CTNNA2: variants seen among roughly 807,000 people sequenced by gnomAD.
The protein encoded by CTNNA2 is catenin alpha 2.
Under a neutral mutation model 101.0 loss-of-function variants are expected in CTNNA2, and 42 were observed. The ratio of observed to expected loss-of-function variants is 0.42; its 90% CI spans 0.32 to 0.54. CTNNA2 has a LOEUF of 0.54. Ranked by LOEUF, CTNNA2 falls within the 20% of genes least tolerant of loss-of-function variation. CTNNA2 has a pLI of 0.14. For synonymous variants in CTNNA2, 450 were observed against 456.4 expected, an observed-to-expected ratio of 0.99 and a Z score of 0.18; for missense variants, 871 against 1,223.1, an observed-to-expected ratio of 0.71 and a Z score of 4.29.
intron 18 of CTNNA2, among the ~76,000 whole-genome samples, chr2:80,625,992 T>C (rs577343705): frequency 6.6e-6 from 1 of 152,080 alleles, no homozygotes; most frequent in Non-Finnish European, 1.5e-5. Flanking sequence ...CCCAAAAAGC[T>C]GAATGAATCA....
chr2:79,309,170 T>C (rs1264633150), intron 2 of CTNNA2, among the ~76,000 whole-genome samples: 3 of 152,156 alleles, frequency 2.0e-5, no homozygotes, highest in African/African-American at 7.2e-5. Flanking sequence ...TTTTTGAGAA[T>C]TTTTTTCTTC....
intron 18 of CTNNA2, among the ~76,000 whole-genome samples, chr2:80,634,143 G>T (rs889084339): frequency 6.6e-6 from 1 of 152,046 alleles, no homozygotes; most frequent in East Asian, 1.9e-4. Flanking sequence ...GGACTCATAT[G>T]CTAGGCACTG....
chr2:79,448,641 G>A (rs796729916), intron 4 of CTNNA2, among the ~76,000 whole-genome samples: 11 of 152,084 alleles, frequency 7.2e-5, no homozygotes, highest in African/African-American at 2.4e-4. Context: ...AGTGAACAGA[G>A]TAGGCTGACA....
chr2:79,897,324 G>A (rs1381641824), intron 6 of CTNNA2, among the ~76,000 whole-genome samples: 1 of 94,090 alleles, frequency 1.1e-5, no homozygotes, highest in Non-Finnish European at 2.0e-5. Context: ...AGGAAAATAT[G>A]CTTTACCGAG....
chr2:79,940,879 C>A (rs1361960957), intron 7 of CTNNA2, among the ~76,000 whole-genome samples: 1 of 152,130 alleles, frequency 6.6e-6, no homozygotes, highest in Non-Finnish European at 1.5e-5. Flanking sequence ...TATGGCTACT[C>A]AAAAATCGAT....
At chr2:79,722,429 A>T (rs1272302570) in intron 2 of CTNNA2, among the ~76,000 whole-genome samples, 1 of 152,142 alleles carries the variant, frequency 6.6e-6, no homozygotes, top group Non-Finnish European at 1.5e-5. Flanking sequence ...GTTAACATGA[A>T]CAGGTGATTA....
At chr2:80,350,648 C>G (rs1244500912) in intron 7 of CTNNA2, among the ~76,000 whole-genome samples, 1 of 152,044 alleles carries the variant, frequency 6.6e-6, no homozygotes, top group Non-Finnish European at 1.5e-5. Flanking sequence ...ATTTTTCTAC[C>G]TAGGATTTTA....
At chr2:79,874,658 A>T (rs1169287507) in intron 6 of CTNNA2, among the ~76,000 whole-genome samples, 1 of 152,100 alleles carries the variant, frequency 6.6e-6, no homozygotes, top group Non-Finnish European at 1.5e-5. Context: ...AATGTAAAAC[A>T]TTAGCTGGGC....
chr2:80,245,375 T>C (rs1302693232), intron 7 of CTNNA2, among the ~76,000 whole-genome samples: 2 of 152,244 alleles, frequency 1.3e-5, no homozygotes, highest in African/African-American at 4.8e-5. Context: ...TGGTTATTAG[T>C]ACTTTCCCTA....
chr2:79,591,094 A>G (rs954432240), intron 1 of CTNNA2, among the ~76,000 whole-genome samples: 1 of 152,332 alleles, frequency 6.6e-6, no homozygotes, highest in Non-Finnish European at 1.5e-5. Flanking sequence ...CAGGCTAAGA[A>G]GCTGAATGAA....
At chr2:80,546,117 G>A (rs765421707) in intron 11 of CTNNA2, 54 bp downstream of exon 11, 47 of 1,594,492 alleles carry the variant, frequency 2.9e-5, no homozygotes, top group Non-Finnish European at 3.7e-5. Context: ...GTAACTGAAC[G>A]AGATAAGGAA....
intron 4 of CTNNA2, among the ~76,000 whole-genome samples, chr2:79,435,268 A>C (rs115769052): frequency 2.1e-3 from 314 of 152,236 alleles, no homozygotes; most frequent in African/African-American, 6.8e-3. Context: ...CTCACTGTTG[A>C]ATAGTAGTGG....
chr2:80,538,939 A>G (rs1412613130), intron 9 of CTNNA2, among the ~76,000 whole-genome samples: 2 of 152,132 alleles, frequency 1.3e-5, no homozygotes, highest in Non-Finnish European at 2.9e-5. Context: ...GAAGTCCTTC[A>G]CATCCCTTGA....
chr2:79,411,819 A>G lies in CTNNA2; in HGVS notation c.-135+37806A>G, dbSNP rs558270810. The stretch of plus-strand genomic sequence containing the variant: ...CCAAAATGTAAAGACTATCAAGACT[A>G]GGAAGAAACTGCATCAACTAACGAG... On this transcript the variant is annotated intron_variant, in intron 4 of 21. Transcript: ENST00000466387. Among the ~76,000 whole-genome samples, 19 of 152,286 alleles carry G rather than the reference A, an allele frequency of 1.2e-4. No individual in the cohort carries two copies. In the East Asian group the frequency reaches 3.7e-3, roughly 29 times the overall value.
At chr2:80,196,844 C>T (rs1294958364) in intron 7 of CTNNA2, among the ~76,000 whole-genome samples, 3 of 152,202 alleles carry the variant, frequency 2.0e-5, no homozygotes, top group Non-Finnish European at 4.4e-5. Flanking sequence ...CTCAAAACTA[C>T]TCCAGTGGCT....
At chr2:80,299,847 A>C (rs552519768) in intron 7 of CTNNA2, among the ~76,000 whole-genome samples, 1 of 152,320 alleles carries the variant, frequency 6.6e-6, no homozygotes, top group East Asian at 1.9e-4. Flanking sequence ...AAGCACACCC[A>C]CACAGCTCTT....
intron 9 of CTNNA2, among the ~76,000 whole-genome samples, chr2:80,480,009 T>C (rs1686028091): frequency 1.3e-5 from 2 of 152,286 alleles, no homozygotes; most frequent in South Asian, 2.1e-4. Context: ...TTTACTTCTA[T>C]ATGGTTTTAG....
intron 7 of CTNNA2, among the ~76,000 whole-genome samples, chr2:79,969,561 C>A (rs1690326730): frequency 6.6e-6 from 1 of 152,096 alleles, no homozygotes; most frequent in African/African-American, 2.4e-5. Context: ...GGAATGTTTC[C>A]AAATAAATTG....
At chr2:79,192,945 T>A (rs1673894597) in intron 1 of CTNNA2, among the ~76,000 whole-genome samples, 1 of 152,188 alleles carries the variant, frequency 6.6e-6, no homozygotes, top group Non-Finnish European at 1.5e-5. Context: ...TTCTGTTTAC[T>A]CCTACCCAAT....
Sources: gnomAD v4.1 joint callset for allele counts (sites outside exome capture counted in the v4.1 genomes callset) on GRCh38, gnomAD v4.1.1 for gene constraint, MANE v1.5 for transcripts, NCBI Gene and HGNC (gene_info 2026-07-23, HGNC 2026-07-21) for gene names.